Variants in FAM171A1 observed in about 807,000 individuals in gnomAD.
The protein encoded by FAM171A1 is family with sequence similarity 171 member A1.
FAM171A1 carries 23 observed loss-of-function variants against 74.9 expected under a neutral mutation model. That is an observed-to-expected ratio of 0.31 (90% confidence interval 0.22 to 0.44). The LOEUF (loss-of-function observed/expected upper bound fraction) is 0.44. Ranked by LOEUF, FAM171A1 falls within the 20% of genes least tolerant of loss-of-function variation. The pLI is 1.00. For synonymous variants in FAM171A1, 527 were observed against 505.7 expected, an observed-to-expected ratio of 1.04 and a Z score of -0.57; for missense variants, 1,162 against 1,159.2, an observed-to-expected ratio of 1.00 and a Z score of -0.03.
intron 2 of FAM171A1, among the ~76,000 whole-genome samples, chr10:15,282,698 T>G (rs1426267426): frequency 6.6e-6 from 1 of 152,156 alleles, no homozygotes; most frequent in East Asian, 1.9e-4. Context: ...TGTCAAATGC[T>G]TCCTTTATTT....
At position 15,213,165 on chromosome 10, in the gene FAM171A1, G is replaced by A; in HGVS notation, c.2423C>T (p.Pro808Leu). 1.9e-6 allele frequency: 3 copies of A among 1,614,110 alleles called. No homozygotes were observed. The highest frequency in any genetic ancestry group is 1.7e-6 in the Non-Finnish European group (2 of 1,180,032). ...GSECGTTVCT[P>L]EDSALRCLLE... ...CAAGCATCGCAGGGCACTGTCCTCG[G>A]GGGTACAGACCGTGGTCCCACATTC... Residue 808 changes from proline (P) to leucine (L), a missense_variant, in exon 8 of 8, where the codon CCC (proline) becomes CTC (leucine). Transcript: ENST00000378116. This position sits in a 1 kb window ranked among gnomAD's most constrained non-coding sequence, Gnocchi z 6.8.
chr10:15,361,033 T>C (rs990759593), intron 1 of FAM171A1, among the ~76,000 whole-genome samples: 2 of 152,158 alleles, frequency 1.3e-5, no homozygotes, highest in Admixed American at 1.3e-4. Flanking sequence ...GGACCTAACT[T>C]TTGCAAGCCC....
intron 3 of FAM171A1, among the ~76,000 whole-genome samples, chr10:15,270,531 G>C (rs1422453691): frequency 6.6e-6 from 1 of 152,160 alleles, no homozygotes; most frequent in Admixed American, 6.5e-5. Flanking sequence ...ACAGAGTAGT[G>C]GTTCTCCAGC....
intron 1 of FAM171A1, among the ~76,000 whole-genome samples, chr10:15,366,526 T>C (rs868848733): frequency 1.1e-4 from 16 of 152,244 alleles, no homozygotes; most frequent in Non-Finnish European, 1.9e-4. Flanking sequence ...AAGTCATATT[T>C]GGTGATATTA....
At chr10:15,246,670 T>C (rs1353024109) in intron 5 of FAM171A1, among the ~76,000 whole-genome samples, 1 of 152,168 alleles carries the variant, frequency 6.6e-6, no homozygotes, top group Non-Finnish European at 1.5e-5. Flanking sequence ...TATGGACATG[T>C]ACCACCACAG....
intron 1 of FAM171A1, among the ~76,000 whole-genome samples, chr10:15,323,649 A>C (rs1835514920): frequency 1.3e-5 from 2 of 152,174 alleles, no homozygotes; most frequent in Non-Finnish European, 2.9e-5. Context: ...ATAGGATTCA[A>C]AACATTTTAA....
intron 4 of FAM171A1, among the ~76,000 whole-genome samples, chr10:15,250,679 G>T (rs1224813705): frequency 6.6e-6 from 1 of 152,216 alleles, no homozygotes; most frequent in African/African-American, 2.4e-5. Flanking sequence ...AGGATCACTT[G>T]AGCCTGGGAA....
At chr10:15,222,715 T>C (rs1295790468) in intron 5 of FAM171A1, among the ~76,000 whole-genome samples, 1 of 152,194 alleles carries the variant, frequency 6.6e-6, no homozygotes, top group Non-Finnish European at 1.5e-5. Context: ...CATAGCAACA[T>C]TCAAATGCAG....
intron 1 of FAM171A1, among the ~76,000 whole-genome samples, chr10:15,355,136 G>C (rs1835918534): frequency 6.6e-6 from 1 of 152,234 alleles, no homozygotes; most frequent in African/African-American, 2.4e-5. Flanking sequence ...ATCCAGGCAA[G>C]TGCAGTGGCA....
At chr10:15,260,920 T>C (rs1027376710) in intron 3 of FAM171A1, among the ~76,000 whole-genome samples, 5 of 152,172 alleles carry the variant, frequency 3.3e-5, no homozygotes, top group African/African-American at 9.7e-5. Flanking sequence ...CACTGCACTA[T>C]ATACCCTGAG....
rs565282621 is a variant in FAM171A1, at chr10:15,265,675, G to A, written c.418+10180C>T. 6.6e-5 allele frequency among the ~76,000 whole-genome samples: 9 copies of A among 136,258 alleles called. No individual in the cohort carries two copies. In the South Asian group the frequency reaches 2.1e-3, roughly 32 times the overall value. The allele number at this position is 136,258 out of a possible 152,430, so 89.4% of individuals were successfully genotyped here. A position where few individuals can be genotyped will look rare whatever the true frequency, so the allele number is the denominator to read the frequency against. ...GATTTTGATTTTTTTTTTTGTATTT[G>A]TTTAACTCAATTATTCAATGAATTA... On this transcript the variant is annotated intron_variant, in intron 3 of 7. Transcript: ENST00000378116.
At chr10:15,347,160 T>G (rs1835825888) in intron 1 of FAM171A1, among the ~76,000 whole-genome samples, 1 of 152,174 alleles carries the variant, frequency 6.6e-6, no homozygotes. Flanking sequence ...CAAAGAGCAC[T>G]CATAAAAGAC....
intron 2 of FAM171A1, among the ~76,000 whole-genome samples, chr10:15,278,926 G>A (rs1834930621): frequency 6.6e-6 from 1 of 152,188 alleles, no homozygotes; most frequent in African/African-American, 2.4e-5. Flanking sequence ...TCCTGGCGAG[G>A]AGGAATGGGC....
Position 15,314,882 on chromosome 10 carries a change from C to T in FAM171A1, c.98-30777G>A, listed in dbSNP as rs193296353. On this transcript the variant is annotated intron_variant, in intron 1 of 7. Transcript: ENST00000378116. Reference sequence around the variant, plus strand: ...GCCACCTCGGCCTGGCCTGCAGCCGCGGGGAGGAGGCTGGTTGGCGCTGTC... The same window carrying T: ...GCCACCTCGGCCTGGCCTGCAGCCGTGGGGAGGAGGCTGGTTGGCGCTGTC... Among the ~76,000 whole-genome samples, 296 of 152,318 alleles carry T rather than the reference C, an allele frequency of 1.9e-3. 2 individuals are homozygous for T. Among genetic ancestry groups the T allele is most frequent in the South Asian group, 5.6e-3 (27 of 4,822 alleles).
intron 5 of FAM171A1, among the ~76,000 whole-genome samples, chr10:15,229,777 TCACCATCACCACCATCAC>T (rs1834172506): frequency 2.0e-4 from 1 of 5,010 alleles, no homozygotes; most frequent in Admixed American, 2.7e-3. Flanking sequence ...ATCACCATCA[TCACCATCACCACCATCAC>T]CATCATCACC....
chr10:15,327,462 C>T (rs1405150435), intron 1 of FAM171A1, among the ~76,000 whole-genome samples: 2 of 152,142 alleles, frequency 1.3e-5, no homozygotes, highest in Non-Finnish European at 2.9e-5. Flanking sequence ...CCAGTGTGGG[C>T]AACAGGGTGA....
intron 3 of FAM171A1, among the ~76,000 whole-genome samples, chr10:15,263,765 A>G (rs1266114454): frequency 1.1e-4 from 17 of 151,624 alleles, no homozygotes; most frequent in Non-Finnish European, 2.2e-4. Context: ...CTATCTATCT[A>G]TCTATCTATC....
At chr10:15,356,130 C>T (rs971371592) in intron 1 of FAM171A1, among the ~76,000 whole-genome samples, 1 of 151,868 alleles carries the variant, frequency 6.6e-6, no homozygotes, top group African/African-American at 2.4e-5. Context: ...AATGCTTCCA[C>T]ATTAAAAAAG....
chr10:15,216,179 G>C (rs1388475733), intron 6 of FAM171A1, 69 bp from the exon 7 acceptor site: 1 of 995,622 alleles, frequency 1.0e-6, no homozygotes, highest in African/African-American at 1.6e-5. Flanking sequence ...CATTCATTGA[G>C]AACGCAGTGT....
Sources: gnomAD v4.1 joint callset for allele counts (sites outside exome capture counted in the v4.1 genomes callset) on GRCh38, gnomAD v4.1.1 for gene constraint, Gnocchi (gnomAD v3.1) non-coding constraint, MANE v1.5 for transcripts, NCBI Gene and HGNC (gene_info 2026-07-23, HGNC 2026-07-21) for gene names.